The following AUTS2 variants were observed in gnomAD, a reference collection of about 807,000 sequenced individuals.
AUTS2 encodes autism susceptibility gene 2 protein.
Under a neutral mutation model 112.4 loss-of-function variants are expected in AUTS2, and 17 were observed. That is an observed-to-expected ratio of 0.15 (90% CI 0.10 to 0.23). The LOEUF (loss-of-function observed/expected upper bound fraction) is 0.23. Ranked by LOEUF, AUTS2 falls within the 10% of genes least tolerant of loss-of-function variation. The probability of loss-of-function intolerance (pLI) is 1.00; values close to 1 mark genes in which losing one functional copy is unlikely to be tolerated. For missense variants in AUTS2, 1,510 were observed against 1,701.6 expected (o/e 0.89, Z 1.98); for synonymous variants, 751 against 702.7 (o/e 1.07, Z -1.09).
intron 3 of AUTS2, among the ~76,000 whole-genome samples, chr7:70,133,368 A>G (rs1250951401): frequency 6.6e-6 from 1 of 152,170 alleles, no homozygotes; most frequent in Non-Finnish European, 1.5e-5. Flanking sequence ...TCATTTATTT[A>G]TACATTCATT....
rs1337962395 is a variant in AUTS2, at chr7:70,050,084, C to T, written c.523-68048C>T. Among the ~76,000 whole-genome samples the T allele has an allele frequency of 7.2e-5, 11 of 151,886 alleles. No homozygotes were observed. In the East Asian group the frequency reaches 1.2e-3, roughly 16 times the overall value. On this transcript the variant is annotated intron_variant, in intron 2 of 18. Transcript: ENST00000342771. ...AGAAGTAGACTTTTCTGGCCAGGCGCGGTGGCTCATGCCTCTAATCTCAGC... is the reference window on the plus strand; with the variant it reads ...AGAAGTAGACTTTTCTGGCCAGGCGTGGTGGCTCATGCCTCTAATCTCAGC...
chr7:70,025,295 A>G (rs1284273030), intron 2 of AUTS2, among the ~76,000 whole-genome samples: 1 of 152,140 alleles, frequency 6.6e-6, no homozygotes, highest in African/African-American at 2.4e-5. Flanking sequence ...TTAGCCATGT[A>G]GAGCTCAAGG....
At chr7:70,031,069 G>A (rs1563052523) in intron 2 of AUTS2, among the ~76,000 whole-genome samples, 1 of 152,126 alleles carries the variant, frequency 6.6e-6, no homozygotes, top group Non-Finnish European at 1.5e-5. Context: ...AGGACTGTAA[G>A]GGAAAAGAGA....
intron 6 of AUTS2, among the ~76,000 whole-genome samples, chr7:70,743,722 T>C (rs1326920004): frequency 6.6e-6 from 1 of 152,180 alleles, no homozygotes; most frequent in East Asian, 1.9e-4. Context: ...CAGGGCATGC[T>C]CTCTTTTCCA....
intron 4 of AUTS2, among the ~76,000 whole-genome samples, chr7:70,303,420 A>ACGCG (rs1562865069): frequency 1.5e-5 from 2 of 129,946 alleles, no homozygotes; most frequent in East Asian, 4.9e-4. Flanking sequence ...ACGCACACAC[A>ACGCG]CACGCGCGCG....
At chr7:70,444,637 G>T (rs1055862644) in intron 5 of AUTS2, among the ~76,000 whole-genome samples, 7 of 152,106 alleles carry the variant, frequency 4.6e-5, no homozygotes, top group African/African-American at 1.7e-4. Context: ...ACAGGTTAGA[G>T]ATTTTCCCTA....
intron 5 of AUTS2, among the ~76,000 whole-genome samples, chr7:70,558,998 C>A (rs953074901): frequency 6.6e-6 from 1 of 152,174 alleles, no homozygotes; most frequent in African/African-American, 2.4e-5. Context: ...AATCCCCATA[C>A]GTTGTGGGAG....
intron 1 of AUTS2, among the ~76,000 whole-genome samples, chr7:69,635,306 C>A (rs1437933586): frequency 1.3e-5 from 2 of 152,224 alleles, no homozygotes; most frequent in African/African-American, 4.8e-5. Context: ...GCTTTACCTA[C>A]CATAGGGCTC....
At chr7:70,102,990 A>G (rs993036158) in intron 2 of AUTS2, among the ~76,000 whole-genome samples, 1 of 152,228 alleles carries the variant, frequency 6.6e-6, no homozygotes, top group African/African-American at 2.4e-5. Context: ...ATTGAGAGAC[A>G]TGGTTGTAAA....
chr7:70,477,439 C>G (rs549910395), intron 5 of AUTS2, among the ~76,000 whole-genome samples: 1 of 152,258 alleles, frequency 6.6e-6, no homozygotes, highest in East Asian at 1.9e-4. Flanking sequence ...AGACTCCCTC[C>G]GTTACTCAGG....
intron 1 of AUTS2, among the ~76,000 whole-genome samples, chr7:69,792,556 T>A (rs917167546): frequency 6.6e-6 from 1 of 152,126 alleles, no homozygotes; most frequent in Non-Finnish European, 1.5e-5. Flanking sequence ...TCAGTTTTGG[T>A]TACCATCTTT....
At chr7:69,927,067 C>T (rs1180258388) in intron 2 of AUTS2, among the ~76,000 whole-genome samples, 1 of 147,314 alleles carries the variant, frequency 6.8e-6, no homozygotes, top group Non-Finnish European at 1.5e-5. Context: ...ATGTTAAATA[C>T]TTTATTCGTC....
At chr7:70,073,394 C>G (rs900107467) in intron 2 of AUTS2, among the ~76,000 whole-genome samples, 1 of 151,558 alleles carries the variant, frequency 6.6e-6, no homozygotes, top group African/African-American at 2.4e-5. Context: ...ACCTGTAATC[C>G]CAGCTACTCG....
At chr7:70,606,843 C>CA (rs1803803821) in intron 5 of AUTS2, among the ~76,000 whole-genome samples, 1 of 143,042 alleles carries the variant, frequency 7.0e-6, no homozygotes. Flanking sequence ...GCCTGGGCGA[C>CA]AAGCGAGACT....
chr7:70,677,610 G>T (rs1807984091), intron 5 of AUTS2, among the ~76,000 whole-genome samples: 1 of 151,924 alleles, frequency 6.6e-6, no homozygotes, highest in Non-Finnish European at 1.5e-5. Context: ...TTTTGTAGAG[G>T]CAGGGTCTTG....
At chr7:70,285,742 A>G (rs1057297802) in intron 4 of AUTS2, among the ~76,000 whole-genome samples, 5 of 152,166 alleles carry the variant, frequency 3.3e-5, no homozygotes, top group African/African-American at 7.2e-5. Flanking sequence ...CTTTGTATCC[A>G]TAGGATCCTC....
intron 2 of AUTS2, among the ~76,000 whole-genome samples, chr7:70,059,283 C>T (rs951881750): frequency 6.6e-6 from 1 of 152,156 alleles, no homozygotes; most frequent in Non-Finnish European, 1.5e-5. Context: ...AGATTGGCTT[C>T]TTTCACTTAG....
intron 5 of AUTS2, among the ~76,000 whole-genome samples, chr7:70,645,668 T>G (rs1806121250): frequency 6.6e-6 from 1 of 152,202 alleles, no homozygotes; most frequent in Admixed American, 6.5e-5. Context: ...ACAGCGCAGC[T>G]TTTAATCTGG....
intron 4 of AUTS2, among the ~76,000 whole-genome samples, chr7:70,140,082 A>G (rs1456835840): frequency 1.3e-5 from 2 of 152,172 alleles, no homozygotes; most frequent in African/African-American, 4.8e-5. Context: ...TTGAATTTGC[A>G]TATCTCTATA....
Sources: gnomAD v4.1 joint callset for allele counts (sites outside exome capture counted in the v4.1 genomes callset) on GRCh38, gnomAD v4.1.1 for gene constraint, MANE v1.5 for transcripts, NCBI Gene and HGNC (gene_info 2026-07-23, HGNC 2026-07-21) for gene names.